Variants in AGTPBP1 observed in about 807,000 individuals in gnomAD.
AGTPBP1 encodes the protein cytosolic carboxypeptidase 1.
A neutral mutation model predicts 143.9 loss-of-function variants in AGTPBP1; 70 were observed. The ratio of observed to expected loss-of-function variants is 0.49; its 90% CI spans 0.40 to 0.59. The LOEUF (loss-of-function observed/expected upper bound fraction) is 0.59. Ranked by LOEUF, AGTPBP1 falls within the 20% of genes least tolerant of loss-of-function variation. The pLI is 0.00. For synonymous variants in AGTPBP1, 463 were observed against 500.2 expected (o/e 0.93, Z 0.99); for missense variants, 1,229 against 1,464.5 (o/e 0.84, Z 2.62).
At chr9:85,691,188 C>T (rs1181424872) in intron 3 of AGTPBP1, among the ~76,000 whole-genome samples, 3 of 152,026 alleles carry the variant, frequency 2.0e-5, no homozygotes, top group Admixed American at 1.3e-4. Context: ...GCCTGGAATC[C>T]AATACAGTGG....
intron 17 of AGTPBP1, among the ~76,000 whole-genome samples, chr9:85,618,412 C>A (rs1184303774): frequency 6.6e-6 from 1 of 152,010 alleles, no homozygotes; most frequent in Admixed American, 6.6e-5. Context: ...TGAAGTAATA[C>A]CATGATACCA....
the AGTPBP1 span, among the ~76,000 whole-genome samples, chr9:85,757,392 C>A: frequency 6.6e-6 from 1 of 151,764 alleles, no homozygotes; most frequent in Non-Finnish European, 1.5e-5. Context: ...AATTGGTGAA[C>A]TGCATGGTAT....
chr9:85,696,218 T>A (rs962695485), intron 2 of AGTPBP1, among the ~76,000 whole-genome samples: 1 of 152,198 alleles, frequency 6.6e-6, no homozygotes, highest in African/African-American at 2.4e-5. Flanking sequence ...ATAGATTTGT[T>A]GCTGATGATA....
intron 13 of AGTPBP1, among the ~76,000 whole-genome samples, chr9:85,638,956 A>G (rs1832267204): frequency 6.6e-6 from 1 of 152,064 alleles, no homozygotes; most frequent in African/African-American, 2.4e-5. Flanking sequence ...AACACAATTA[A>G]CAATCTTGTC....
At chr9:85,581,409 G>C (rs965177460) in intron 23 of AGTPBP1, among the ~76,000 whole-genome samples, 11 of 152,226 alleles carry the variant, frequency 7.2e-5, no homozygotes, top group Non-Finnish European at 1.5e-4. Context: ...CTACATCACA[G>C]AGCTTTGTGA....
At chr9:85,611,313 C>T (rs1206680244) in intron 17 of AGTPBP1, among the ~76,000 whole-genome samples, 2 of 151,198 alleles carry the variant, frequency 1.3e-5, no homozygotes, top group Non-Finnish European at 3.0e-5. Context: ...AGGTTAAACT[C>T]CTCTATTAAA....
chr9:85,799,940 A>T, the AGTPBP1 span, among the ~76,000 whole-genome samples: 2 of 152,216 alleles, frequency 1.3e-5, no homozygotes, highest in African/African-American at 4.8e-5. Context: ...ACTCTTCACC[A>T]TGGGATCCCC....
At chr9:85,767,246 G>A in the AGTPBP1 span, among the ~76,000 whole-genome samples, 1 of 143,272 alleles carries the variant, frequency 7.0e-6, no homozygotes, top group Non-Finnish European at 1.5e-5. Context: ...GTGCAGTGGT[G>A]CGATCTCGGC....
chr9:85,632,667 T>C lies in AGTPBP1; in HGVS notation c.2010A>G (p.Val670=). Residue 670 remains valine (V), a synonymous_variant, in exon 14 of 26, where the codon GTA becomes GTG. Transcript: ENST00000357081. The part of the protein sequence containing the change: ...KEPILERPYG[V]QRTKIAQDIE... ...GGAAGAAATATGCAACTCACCTTTG[T>C]ACACCATAAGGCCTTTCTAAAATAG... The C allele has an allele frequency of 6.3e-7, 1 of 1,596,692 alleles. No homozygotes were observed.
the AGTPBP1 span, among the ~76,000 whole-genome samples, chr9:85,782,809 T>A: frequency 6.6e-6 from 1 of 152,232 alleles, no homozygotes; most frequent in Non-Finnish European, 1.5e-5. Flanking sequence ...ATTTTCTGAT[T>A]CTCAGTTTAG....
At chr9:85,755,455 A>T in the AGTPBP1 span, among the ~76,000 whole-genome samples, 3 of 151,916 alleles carry the variant, frequency 2.0e-5, no homozygotes, top group Non-Finnish European at 4.4e-5. Flanking sequence ...TTCTTTTTTT[A>T]AAATAATTAT....
intron 17 of AGTPBP1, among the ~76,000 whole-genome samples, chr9:85,605,047 GGAA>G (rs1418988071): frequency 6.6e-6 from 1 of 152,112 alleles, no homozygotes; most frequent in African/African-American, 2.4e-5. Context: ...AGGAGATAGA[GGAA>G]GAGATAAGGT....
At chr9:85,795,553 G>A in the AGTPBP1 span, among the ~76,000 whole-genome samples, 124 of 152,294 alleles carry the variant, frequency 8.1e-4, no homozygotes, top group African/African-American at 2.6e-3. Flanking sequence ...GCACTGTAGT[G>A]ACATACCAAT....
the AGTPBP1 span, among the ~76,000 whole-genome samples, chr9:85,796,707 T>C: frequency 1.3e-5 from 2 of 152,184 alleles, no homozygotes; most frequent in Middle Eastern, 3.2e-3. Flanking sequence ...CATGATGTGA[T>C]TATTACACAT....
chr9:85,660,934 A>G lies in AGTPBP1; in HGVS notation c.700+2T>C. On this transcript the variant is annotated splice_donor_variant, in intron 9 of 25. Transcript: ENST00000357081. LOFTEE classifies it high-confidence loss of function. ...TAGTATTTCTAGTATTTAAAAACTT[A>G]CTTGATTTTAGCAATGCAGCAAGAG... is the stretch of plus-strand genomic sequence containing the variant. 6.3e-7 allele frequency: 1 copy of G among 1,579,590 alleles called. No individual in the cohort carries two copies. Among genetic ancestry groups the G allele is most frequent in the Non-Finnish European group, 8.6e-7 (1 of 1,164,788 alleles).
At chr9:85,609,531 T>C (rs929912045) in intron 17 of AGTPBP1, among the ~76,000 whole-genome samples, 2 of 152,166 alleles carry the variant, frequency 1.3e-5, no homozygotes, top group African/African-American at 4.8e-5. Flanking sequence ...TCCGCCTGCC[T>C]TGGCCTCCCA....
At chr9:85,775,587 A>AAT in the AGTPBP1 span, among the ~76,000 whole-genome samples, 1,095 of 147,192 alleles carry the variant, frequency 7.4e-3, 19 homozygotes, top group African/African-American at 0.024. Flanking sequence ...ATATTATATA[A>AAT]ATATATATAT....
chr9:85,554,975 G>A (rs79150133), intron 25 of AGTPBP1, among the ~76,000 whole-genome samples: 1,795 of 152,306 alleles, frequency 0.012, 38 homozygotes, highest in African/African-American at 0.041. Context: ...GAGCTGGAAA[G>A]AGACTTAGTG....
At chr9:85,585,905 T>C (rs1302749770) in intron 22 of AGTPBP1, among the ~76,000 whole-genome samples, 1 of 152,168 alleles carries the variant, frequency 6.6e-6, no homozygotes, top group Non-Finnish European at 1.5e-5. Flanking sequence ...CTGCCCCAAA[T>C]GGTTGTAAAA....
Sources: gnomAD v4.1 joint callset for allele counts (sites outside exome capture counted in the v4.1 genomes callset) on GRCh38, gnomAD v4.1.1 for gene constraint, MANE v1.5 for transcripts, NCBI Gene and HGNC (gene_info 2026-07-23, HGNC 2026-07-21) for gene names.